TCF7L2: variants seen among roughly 807,000 people sequenced by gnomAD.
TCF7L2 encodes transcription factor 7 like 2, also known as transcription factor 7-like 2.
Under a neutral mutation model 77.9 loss-of-function variants are expected in TCF7L2, and 23 were observed. That is an observed-to-expected ratio of 0.30 (90% CI 0.21 to 0.42). TCF7L2 has a LOEUF of 0.42. Among genes scored for constraint, TCF7L2 ranks in the 10% least tolerant of loss-of-function variants. The probability of loss-of-function intolerance (pLI) is 1.00; values close to 1 mark genes in which losing one functional copy is unlikely to be tolerated. For missense variants in TCF7L2, 654 were observed against 793.1 expected, an observed-to-expected ratio of 0.82 and a Z score of 2.11; for synonymous variants, 413 against 340.2, an observed-to-expected ratio of 1.21 and a Z score of -2.36.
chr10:113,069,530 A>G (rs1424624408), intron 5 of TCF7L2, among the ~76,000 whole-genome samples: 2 of 152,066 alleles, frequency 1.3e-5, no homozygotes, highest in Non-Finnish European at 2.9e-5. Context: ...GTGCCCAGCC[A>G]GTATCTATAA....
intron 5 of TCF7L2, among the ~76,000 whole-genome samples, chr10:113,136,965 T>C (rs548209897): frequency 5.6e-4 from 85 of 151,958 alleles, no homozygotes; most frequent in Non-Finnish European, 1.1e-3. Flanking sequence ...TTATGACAGC[T>C]CTTACTTAAA....
rs202158086 is a variant in TCF7L2 at position 113,165,982 on chromosome 10, C to T, written c.*10C>T. ...CAAGTCTTTAGAATAGCTTTAGCGT[C>T]GTGAACCCCGCTGCTTTGTTTATGG... On this transcript the variant is annotated 3_prime_UTR_variant, in exon 14 of 14. Coordinates refer to ENST00000627217, the MANE Select transcript of TCF7L2 (RefSeq NM_001146274.2). 10 of 1,488,912 alleles carry T rather than the reference C, an allele frequency of 6.7e-6. No homozygotes were observed. The East Asian group carries it at 1.2e-4, about 17-fold the overall frequency. The allele number at this position is 1,488,912 out of a possible 1,614,324, so 92.2% of individuals were successfully genotyped here. A position where few individuals can be genotyped will look rare whatever the true frequency, so the allele number is the denominator to read the frequency against.
In TCF7L2 at chr10:113,156,453, C is replaced by T. The variant is rs140422240; in HGVS notation, c.1270-1568C>T. Among the ~76,000 whole-genome samples, 1,105 of 152,274 alleles carry T rather than the reference C, an allele frequency of 7.3e-3. 11 individuals are homozygous for T. The highest frequency in any genetic ancestry group is 0.017 in the Middle Eastern group (5 of 294). ...TGCCTATCATTGTCTTTTTCTCTTC[C>T]GAGTTGACATCAACATACTGTGAGA... On this transcript the variant is annotated intron_variant, in intron 11 of 13. Transcript: ENST00000627217.
intron 5 of TCF7L2, among the ~76,000 whole-genome samples, chr10:113,066,667 G>A (rs1403506315): frequency 6.6e-6 from 1 of 152,226 alleles, no homozygotes; most frequent in Non-Finnish European, 1.5e-5. Flanking sequence ...TGTGCTGAAA[G>A]AGTAACAGCA....
chr10:113,163,290 GA>G (rs1349351104), intron 13 of TCF7L2, among the ~76,000 whole-genome samples: 2 of 152,166 alleles, frequency 1.3e-5, no homozygotes, highest in Non-Finnish European at 2.9e-5. Flanking sequence ...AGTTTCATTT[GA>G]CATTTGTGGA....
chr10:112,951,246 G>A lies in TCF7L2; in HGVS notation c.229G>A (p.Asp77Asn), dbSNP rs1157868044. 1.3e-6 allele frequency: 2 copies of A among 1,567,458 alleles called. No individual in the cohort carries two copies. Among genetic ancestry groups the A allele is most frequent in the South Asian group, 2.3e-5 (2 of 86,942 alleles). The change falls in exon 2 of 14, where the codon GAC (aspartate) becomes AAC (asparagine). Residue 77 changes from aspartate to asparagine, a missense_variant. By Grantham distance (23) the Asp-to-Asn change is conservative. Around this residue, in one of 6 missense-constraint regions of TCF7L2, gnomAD observed 132 missense variants for 123.7 expected, o/e 1.07. Coordinates refer to ENST00000627217, the MANE Select transcript of TCF7L2 (RefSeq NM_001146274.2). The stretch of plus-strand genomic sequence containing the variant: ...TCCGCCTCGCTCCGAAAGTTTCCGA[G>A]ACAAATCCCGGGAAAGTTTGGAAGA...
chr10:113,014,172 C>T (rs993817210), intron 4 of TCF7L2, among the ~76,000 whole-genome samples: 7 of 152,164 alleles, frequency 4.6e-5, no homozygotes, highest in African/African-American at 1.7e-4. Context: ...GTTCCCAGGT[C>T]GGCATTCAGC....
At chr10:113,043,886 A>G (rs2052941281) in intron 5 of TCF7L2, among the ~76,000 whole-genome samples, 1 of 152,034 alleles carries the variant, frequency 6.6e-6, no homozygotes, top group Non-Finnish European at 1.5e-5. Context: ...CTCCCTGGAT[A>G]CCACCTCTGG....
chr10:112,966,735 G>A (rs1006879856), intron 4 of TCF7L2, among the ~76,000 whole-genome samples: 6 of 152,172 alleles, frequency 3.9e-5, no homozygotes, highest in African/African-American at 1.2e-4. Context: ...CGAGCAGTTC[G>A]TCTTTCTCCA....
chr10:113,143,018 G>A (rs549247380), intron 6 of TCF7L2, among the ~76,000 whole-genome samples: 12 of 152,272 alleles, frequency 7.9e-5, no homozygotes, highest in East Asian at 5.8e-4. Flanking sequence ...AGTCGTTTTC[G>A]TCCACGAACA....
At chr10:113,091,902 C>A (rs2060447277) in intron 5 of TCF7L2, among the ~76,000 whole-genome samples, 1 of 152,192 alleles carries the variant, frequency 6.6e-6, no homozygotes, top group Non-Finnish European at 1.5e-5. Context: ...TCTGCATTAG[C>A]CATGGCCTGG....
intron 8 of TCF7L2, among the ~76,000 whole-genome samples, chr10:113,149,035 C>T (rs1366642081): frequency 6.6e-6 from 1 of 152,212 alleles, no homozygotes; most frequent in Non-Finnish European, 1.5e-5. Flanking sequence ...CACATATTCT[C>T]ATTCTGCAGG....
Position 113,151,946 on chromosome 10 carries a change from G to C in TCF7L2, c.1161+62G>C, listed in dbSNP as rs2070824092. 3.2e-6 allele frequency: 5 copies of C among 1,539,172 alleles called. No individual in the cohort carries two copies. The South Asian group carries it at 5.2e-5, about 16-fold the overall frequency. On this transcript the variant is annotated intron_variant, in intron 10 of 13. Coordinates refer to ENST00000627217, the MANE Select transcript of TCF7L2 (RefSeq NM_001146274.2). The surrounding 1 kb of genome is among the most constrained non-coding windows in gnomAD (Gnocchi z 5.2). Reference sequence around the variant, plus strand: ...GGTGGTGAGGGACCAGAGTGCAGCAGGTCAGGTGGCAGAATGTCTCTGTCC... The same window carrying C: ...GGTGGTGAGGGACCAGAGTGCAGCACGTCAGGTGGCAGAATGTCTCTGTCC...
At chr10:113,109,498 C>G (rs1017624585) in intron 5 of TCF7L2, among the ~76,000 whole-genome samples, 1 of 152,164 alleles carries the variant, frequency 6.6e-6, no homozygotes, top group African/African-American at 2.4e-5. Flanking sequence ...TCAAGTAATT[C>G]TTTTGCCTCA....
intron 5 of TCF7L2, among the ~76,000 whole-genome samples, chr10:113,104,629 A>G (rs148483822): frequency 6.6e-6 from 1 of 152,328 alleles, no homozygotes; most frequent in African/African-American, 2.4e-5. Flanking sequence ...ATGGTCTTGC[A>G]GATGGCCTAA....
intron 7 of TCF7L2, 97 bp downstream of exon 7, chr10:113,144,122 G>A (rs1396325073): frequency 2.1e-6 from 2 of 965,790 alleles, no homozygotes; most frequent in Non-Finnish European, 3.0e-6. Flanking sequence ...GTGTGTGTGT[G>A]TGTGTGTGTG....
intron 5 of TCF7L2, among the ~76,000 whole-genome samples, chr10:113,058,587 AG>A (rs1178732270): frequency 1.3e-5 from 2 of 151,874 alleles, no homozygotes; most frequent in Non-Finnish European, 2.9e-5. Flanking sequence ...TGTGAGAAGG[AG>A]GGGTTGTGTC....
intron 4 of TCF7L2, among the ~76,000 whole-genome samples, chr10:113,031,377 C>G (rs915746743): frequency 6.6e-6 from 1 of 151,898 alleles, no homozygotes; most frequent in African/African-American, 2.4e-5. Flanking sequence ...GAAAAAAGTA[C>G]GTACAGATCC....
At chr10:113,019,372 A>G (rs2047907920) in intron 4 of TCF7L2, among the ~76,000 whole-genome samples, 1 of 151,978 alleles carries the variant, frequency 6.6e-6, no homozygotes, top group Non-Finnish European at 1.5e-5. Context: ...CTCGTTAGAA[A>G]GACTCACTAA....
Sources: gnomAD v4.1 joint callset for allele counts (sites outside exome capture counted in the v4.1 genomes callset) on GRCh38, gnomAD v4.1.1 for gene constraint, gnomAD v4.1.1 regional missense constraint, Gnocchi (gnomAD v3.1) non-coding constraint, MANE v1.5 for transcripts, NCBI Gene and HGNC (gene_info 2026-07-23, HGNC 2026-07-21) for gene names.